Variants in CCNB2 observed in about 807,000 individuals in gnomAD.
CCNB2 encodes the protein G2/mitotic-specific cyclin-B2.
Under a neutral mutation model 51.1 loss-of-function variants are expected in CCNB2, and 39 were observed. The observed-to-expected ratio is 0.76, with a 90% CI of 0.59 to 1.00. The LOEUF (loss-of-function observed/expected upper bound fraction) is 1.00, where lower values mean the gene tolerates loss of function less well. Among genes scored for constraint, CCNB2 ranks in the 50% least tolerant of loss-of-function variants. The pLI is 0.00. For missense variants in CCNB2, 472 were observed against 470.3 expected, an observed-to-expected ratio of 1.00 and a Z score of -0.03; for synonymous variants, 174 against 165.5, an observed-to-expected ratio of 1.05 and a Z score of -0.40.
In CCNB2 at chr15:59,107,012, G is replaced by C. The variant is rs140978430; in HGVS notation, c.25-310G>C. On this transcript the variant is annotated intron_variant, in intron 1 of 8. Coordinates refer to ENST00000288207, the MANE Select transcript of CCNB2 (RefSeq NM_004701.4). ...AACAAGTGATATGGGTACTATATGAGAAATAATCATTAAATACTAATAAGC... is the reference window on the plus strand; with the variant it reads ...AACAAGTGATATGGGTACTATATGACAAATAATCATTAAATACTAATAAGC... Among the ~76,000 whole-genome samples the C allele has an allele frequency of 4.6e-3, 695 of 152,216 alleles. 8 individuals carry two copies. Among genetic ancestry groups the C allele is most frequent in the African/African-American group, 0.016 (658 of 41,522 alleles).
At chr15:59,107,102 C>CT (rs1202664602) in intron 1 of CCNB2, among the ~76,000 whole-genome samples, 1 of 152,098 alleles carries the variant, frequency 6.6e-6, no homozygotes, top group Non-Finnish European at 1.5e-5. Flanking sequence ...GTGGGAGGAT[C>CT]TTTATTACGG....
chr15:59,105,333 G>C, intron 1 of CCNB2, 41 bp downstream of exon 1: 2 of 1,540,198 alleles, frequency 1.3e-6, no homozygotes, highest in Non-Finnish European at 1.7e-6. Context: ...CGAGTCCGTC[G>C]GCCCCACAGC....
intron 1 of CCNB2, among the ~76,000 whole-genome samples, chr15:59,106,867 A>G (rs183494134): frequency 6.6e-6 from 1 of 152,358 alleles, no homozygotes; most frequent in Admixed American, 6.5e-5. Flanking sequence ...TTTTTAAACA[A>G]CCAGACCTAT....
intron 3 of CCNB2, among the ~76,000 whole-genome samples, chr15:59,111,767 T>A (rs754181944): frequency 3.3e-5 from 5 of 152,132 alleles, no homozygotes; most frequent in Admixed American, 6.5e-5. Flanking sequence ...TTACCGTCTC[T>A]GGTACCCTGG....
intron 8 of CCNB2, 71 bp downstream of exon 8, chr15:59,123,698 G>T (rs1312530469): frequency 1.7e-5 from 13 of 749,990 alleles, no homozygotes; most frequent in South Asian, 1.0e-4. Flanking sequence ...TTGGGCGGGG[G>T]GGGGCGGTGT....
chr15:59,114,935 G>A, intron 5 of CCNB2, 59 bp downstream of exon 5: 6 of 1,515,900 alleles, frequency 4.0e-6, no homozygotes, highest in Non-Finnish European at 1.8e-6. Context: ...ATTTATGCTT[G>A]GGGGATAGAA....
rs959571730 is a variant in CCNB2, at chr15:59,115,021, G to C, written c.597+145G>C. ...GCCAAAGAACTTTGGGGACTAAAAAGGGAAGTAATCCAAGTGTGTCAAGCC... is the reference window on the plus strand; with the variant it reads ...GCCAAAGAACTTTGGGGACTAAAAACGGAAGTAATCCAAGTGTGTCAAGCC... On this transcript the variant is annotated intron_variant, in intron 5 of 8. Transcript: ENST00000288207. 1.4e-5 allele frequency: 12 copies of C among 849,574 alleles called. No homozygotes were observed. The African/African-American group carries it at 1.9e-4, about 13-fold the overall frequency. 52.6% of individuals were successfully genotyped at this position (849,574 alleles called of 1,614,324 possible).
intron 3 of CCNB2, among the ~76,000 whole-genome samples, chr15:59,112,144 A>C (rs1663005106): frequency 6.6e-6 from 1 of 151,808 alleles, no homozygotes; most frequent in Non-Finnish European, 1.5e-5. Flanking sequence ...GAGCCACCGC[A>C]CTTGGCCTGG....
At chr15:59,116,975 C>A in intron 6 of CCNB2, 49 bp downstream of exon 6, 2 of 1,440,600 alleles carry the variant, frequency 1.4e-6, no homozygotes, top group Non-Finnish European at 1.9e-6. Context: ...GGTGTCTCAT[C>A]CCAGAAACCT....
intron 7 of CCNB2, among the ~76,000 whole-genome samples, chr15:59,118,344 G>T (rs1324498519): frequency 5.9e-5 from 9 of 152,240 alleles, no homozygotes; most frequent in African/African-American, 2.2e-4. Flanking sequence ...CTAGTCTGCA[G>T]TTATACCCTG....
intron 7 of CCNB2, among the ~76,000 whole-genome samples, chr15:59,118,608 C>T (rs149814581): frequency 1.2e-3 from 184 of 152,314 alleles, no homozygotes; most frequent in African/African-American, 4.3e-3. Context: ...CACTTGAACC[C>T]GGAAGACAAA....
intron 3 of CCNB2, among the ~76,000 whole-genome samples, chr15:59,110,596 A>G (rs541642999): frequency 6.6e-6 from 1 of 152,238 alleles, no homozygotes; most frequent in African/African-American, 2.4e-5. Context: ...GTTTCTATCA[A>G]TTTTCCTGGA....
intron 7 of CCNB2, chr15:59,120,954 C>G (rs1355244457): frequency 6.6e-6 from 1 of 151,884 alleles, no homozygotes; most frequent in African/African-American, 2.4e-5. Flanking sequence ...TATTCATGCC[C>G]AAAATGTTTG....
At chr15:59,106,255 T>G (rs1162774304) in intron 1 of CCNB2, among the ~76,000 whole-genome samples, 1 of 152,254 alleles carries the variant, frequency 6.6e-6, no homozygotes, top group African/African-American at 2.4e-5. Context: ...GTGTGACTTT[T>G]GAGAATCCTA....
intron 3 of CCNB2, among the ~76,000 whole-genome samples, chr15:59,112,557 G>A (rs1261366027): frequency 1.3e-5 from 2 of 151,720 alleles, no homozygotes; most frequent in African/African-American, 2.4e-5. Flanking sequence ...ATGTTGGTTA[G>A]GCTGATTTCA....
intron 7 of CCNB2, among the ~76,000 whole-genome samples, chr15:59,120,270 G>A (rs1178398183): frequency 1.3e-5 from 2 of 152,106 alleles, no homozygotes; most frequent in Non-Finnish European, 2.9e-5. Flanking sequence ...AGTACAAGGT[G>A]AGCCTAGAAC....
At chr15:59,108,129 C>A (rs1303642292) in intron 3 of CCNB2, among the ~76,000 whole-genome samples, 1 of 152,094 alleles carries the variant, frequency 6.6e-6, no homozygotes, top group Non-Finnish European at 1.5e-5. Flanking sequence ...AAGATGATAG[C>A]TGACAGGAAA....
At chr15:59,121,825 A>G (rs1809588) in intron 7 of CCNB2, among the ~76,000 whole-genome samples, 62,632 of 150,872 alleles carry the variant, frequency 0.42, 14,337 homozygotes, top group African/African-American at 0.62. Flanking sequence ...TCAGCTACCC[A>G]GGAGGCTGAG....
At chr15:59,115,298 C>T (rs1182985174) in intron 5 of CCNB2, among the ~76,000 whole-genome samples, 1 of 152,094 alleles carries the variant, frequency 6.6e-6, no homozygotes. Flanking sequence ...AGAACCTCCA[C>T]ATTTCCAGCC....
Sources: gnomAD v4.1 joint callset for allele counts (sites outside exome capture counted in the v4.1 genomes callset) on GRCh38, gnomAD v4.1.1 for gene constraint, MANE v1.5 for transcripts, NCBI Gene and HGNC (gene_info 2026-07-23, HGNC 2026-07-21) for gene names.